The following CNBD1 variants were observed in gnomAD, a reference collection of about 807,000 sequenced individuals.
CNBD1 encodes the protein cyclic nucleotide binding domain containing 1, also known as cyclic nucleotide-binding domain-containing protein 1.
CNBD1 carries 71 observed loss-of-function variants against 54.4 expected under a neutral mutation model. The ratio of observed to expected loss-of-function variants is 1.30; its 90% CI spans 1.08 to 1.59. The LOEUF is 1.59. CNBD1 is among the 40% of genes most tolerant of loss of function. The pLI, the probability that CNBD1 is intolerant of heterozygous loss-of-function variation, is 0.00. For missense variants in CNBD1, 659 were observed against 518.0 expected, an observed-to-expected ratio of 1.27 and a Z score of -2.64; for synonymous variants, 182 against 170.7, an observed-to-expected ratio of 1.07 and a Z score of -0.51.
chr8:87,213,550 T>C (rs1289272870), intron 5 of CNBD1, among the ~76,000 whole-genome samples: 1 of 152,086 alleles, frequency 6.6e-6, no homozygotes, highest in Non-Finnish European at 1.5e-5. Context: ...TCATGAGACT[T>C]ATTCACTACC....
chr8:87,406,168 T>C (rs1368695147), intron 2 of CNBD1, among the ~76,000 whole-genome samples: 1 of 152,116 alleles, frequency 6.6e-6, no homozygotes, highest in Non-Finnish European at 1.5e-5. Context: ...TAATGATCTG[T>C]ATCCAAATAC....
intron 4 of CNBD1, among the ~76,000 whole-genome samples, chr8:87,089,233 T>A (rs1437498559): frequency 6.6e-6 from 1 of 152,092 alleles, no homozygotes; most frequent in East Asian, 1.9e-4. Context: ...ACCACAGACA[T>A]GATTCTGTAG....
chr8:87,304,446 T>G (rs1011369289), intron 8 of CNBD1, among the ~76,000 whole-genome samples: 7 of 149,152 alleles, frequency 4.7e-5, no homozygotes, highest in African/African-American at 1.8e-4. Context: ...TGAGAACACA[T>G]GGACACAGGA....
intron 6 of CNBD1, among the ~76,000 whole-genome samples, chr8:87,262,253 TAAA>T (rs1403230170): frequency 2.0e-5 from 3 of 152,220 alleles, no homozygotes; most frequent in African/African-American, 7.2e-5. Flanking sequence ...AGCAGAATGT[TAAA>T]AACATAAGAT....
At chr8:86,926,351 C>T (rs776017549) in intron 3 of CNBD1, among the ~76,000 whole-genome samples, 28 of 152,070 alleles carry the variant, frequency 1.8e-4, no homozygotes, top group East Asian at 9.7e-4. Flanking sequence ...GCCAGTGGGT[C>T]GGTCCAGGTG....
At chr8:87,052,352 G>C (rs1810328709) in intron 4 of CNBD1, among the ~76,000 whole-genome samples, 1 of 152,186 alleles carries the variant, frequency 6.6e-6, no homozygotes, top group Admixed American at 6.5e-5. Context: ...TCAGGAGATA[G>C]AGAGATCTGT....
intron 4 of CNBD1, among the ~76,000 whole-genome samples, chr8:86,963,130 A>C (rs1807975656): frequency 6.6e-6 from 1 of 151,890 alleles, no homozygotes; most frequent in Non-Finnish European, 1.5e-5. Context: ...AATTATTTCG[A>C]CCTTATATCC....
intron 4 of CNBD1, among the ~76,000 whole-genome samples, chr8:87,161,888 A>G (rs1375399750): frequency 1.3e-5 from 2 of 152,162 alleles, no homozygotes; most frequent in African/African-American, 2.4e-5. Flanking sequence ...TTTCTAAAAC[A>G]CAATCTTAGA....
intron 4 of CNBD1, among the ~76,000 whole-genome samples, chr8:87,053,516 G>A (rs1810353765): frequency 1.3e-5 from 2 of 152,186 alleles, no homozygotes; most frequent in Admixed American, 1.3e-4. Context: ...ACCCAGCATG[G>A]AGAAAAAGAC....
At chr8:86,932,448 A>G (rs1485598693) in intron 3 of CNBD1, among the ~76,000 whole-genome samples, 1 of 152,072 alleles carries the variant, frequency 6.6e-6, no homozygotes, top group South Asian at 2.1e-4. Flanking sequence ...ACTAACAGGA[A>G]GGGGAGCTGT....
At chr8:86,978,184 G>C (rs1238913694) in intron 4 of CNBD1, among the ~76,000 whole-genome samples, 1 of 151,714 alleles carries the variant, frequency 6.6e-6, no homozygotes, top group Non-Finnish European at 1.5e-5. Flanking sequence ...TTATATTTTA[G>C]TAAATAATTT....
chr8:87,114,543 G>T (rs1006430202), intron 4 of CNBD1, among the ~76,000 whole-genome samples: 3 of 151,380 alleles, frequency 2.0e-5, no homozygotes, highest in Non-Finnish European at 1.5e-5. Flanking sequence ...TAGAGATGGG[G>T]TTTCACCATG....
intron 4 of CNBD1, among the ~76,000 whole-genome samples, chr8:87,117,517 T>A (rs1488346396): frequency 6.6e-6 from 1 of 151,846 alleles, no homozygotes; most frequent in Non-Finnish European, 1.5e-5. Context: ...CAAGAGAAAC[T>A]GAGAGCAGCC....
intron 4 of CNBD1, among the ~76,000 whole-genome samples, chr8:87,110,413 A>T (rs566720865): frequency 3.3e-5 from 5 of 152,158 alleles, no homozygotes; most frequent in Non-Finnish European, 7.3e-5. Flanking sequence ...GACCTTCTGC[A>T]TCACCTAATG....
At chr8:87,217,695 A>T (rs1814242640) in intron 5 of CNBD1, among the ~76,000 whole-genome samples, 1 of 151,804 alleles carries the variant, frequency 6.6e-6, no homozygotes, top group Non-Finnish European at 1.5e-5. Flanking sequence ...GATATTTATT[A>T]TCAGAAAGAA....
chr8:87,024,248 GAAAAA>G (rs747783329), intron 4 of CNBD1, among the ~76,000 whole-genome samples: 2 of 115,828 alleles, frequency 1.7e-5, no homozygotes, highest in African/African-American at 6.1e-5. Flanking sequence ...CAAAAAAAAA[GAAAAA>G]AAAAAAAAAA....
intron 2 of CNBD1, among the ~76,000 whole-genome samples, chr8:87,398,727 C>G (rs2130975507): frequency 6.6e-6 from 1 of 152,124 alleles, no homozygotes; most frequent in Admixed American, 6.6e-5. Context: ...AGTTTAAATT[C>G]ACCATGCCTC....
At chr8:87,027,392 C>G (rs1809672562) in intron 4 of CNBD1, among the ~76,000 whole-genome samples, 1 of 152,164 alleles carries the variant, frequency 6.6e-6, no homozygotes, top group Non-Finnish European at 1.5e-5. Flanking sequence ...CTGCCTCAGC[C>G]TCCTGAGTAG....
chr8:87,080,242 C>G (rs1464418202), intron 4 of CNBD1, among the ~76,000 whole-genome samples: 2 of 152,014 alleles, frequency 1.3e-5, no homozygotes, highest in Non-Finnish European at 2.9e-5. Context: ...CACCTTTGTT[C>G]TTTTTCAAAA....
Sources: gnomAD v4.1 joint callset for allele counts (sites outside exome capture counted in the v4.1 genomes callset) on GRCh38, gnomAD v4.1.1 for gene constraint, MANE v1.5 for transcripts, NCBI Gene and HGNC (gene_info 2026-07-23, HGNC 2026-07-21) for gene names.